Variants in ANPEP observed in about 807,000 individuals in gnomAD.
ANPEP encodes aminopeptidase N.
A neutral mutation model predicts 114.6 loss-of-function variants in ANPEP; 70 were observed. That is an observed-to-expected ratio of 0.61 (90% CI 0.50 to 0.75). ANPEP has a LOEUF of 0.75. Ranked by LOEUF, ANPEP falls within the 30% of genes least tolerant of loss-of-function variation. The pLI, the probability that ANPEP is intolerant of heterozygous loss-of-function variation, is 0.00. For missense variants in ANPEP, 1,184 were observed against 1,259.5 expected (o/e 0.94, Z 0.91); for synonymous variants, 548 against 522.3 (o/e 1.05, Z -0.67).
intron 10 of ANPEP, among the ~76,000 whole-genome samples, chr15:89,802,996 A>T (rs7168849): frequency 3.9e-5 from 6 of 151,964 alleles, no homozygotes; most frequent in Admixed American, 1.3e-4. Flanking sequence ...TCCCATCAAG[A>T]AGCCCGCTGT....
chr15:89,785,178 C>T lies in ANPEP; in HGVS notation c.*171G>A. On this transcript the variant is annotated 3_prime_UTR_variant, in exon 21 of 21. Transcript: ENST00000300060. ...TGGGAGGTGCTCAGGCAGCCTGGGT[C>T]ATCAGGAACTAGACTGGCTCACAGG... The T allele has an allele frequency of 2.3e-6, 2 of 863,240 alleles. No homozygotes were observed. Among genetic ancestry groups the T allele is most frequent in the Non-Finnish European group, 1.8e-6 (1 of 569,750 alleles). The allele number at this position is 863,240 out of a possible 1,614,324, so 53.5% of individuals were successfully genotyped here. A position where few individuals can be genotyped will look rare whatever the true frequency, so the allele number is the denominator to read the frequency against.
In ANPEP at chr15:89,806,734, A is replaced by T. The variant is rs1894724144; in HGVS notation, c.-151T>A. 1.5e-5 allele frequency: 19 copies of T among 1,282,736 alleles called. No individual in the cohort carries two copies. The South Asian group carries it at 2.5e-4, about 17-fold the overall frequency. The allele number at this position is 1,282,736 out of a possible 1,614,324, so 79.5% of individuals were successfully genotyped here. A position where few individuals can be genotyped will look rare whatever the true frequency, so the allele number is the denominator to read the frequency against. ...GGCTCCAACAGGCGAAGGTCACTGG[A>T]CTGGGCAGGGGCACGCTCCGCCTGG... On this transcript the variant is annotated 5_prime_UTR_variant, in exon 2 of 21. Coordinates refer to ENST00000300060, the MANE Select transcript of ANPEP (RefSeq NM_001150.3). The surrounding 1 kb of genome is among the most constrained non-coding windows in gnomAD (Gnocchi z 5.7).
chr15:89,790,408 T>G, intron 20 of ANPEP, 52 bp downstream of exon 20: 2 of 1,552,916 alleles, frequency 1.3e-6, no homozygotes, highest in Non-Finnish European at 1.8e-6. Context: ...GAGTGCCCCT[T>G]TGGCCTGGGA....
intron 6 of ANPEP, 80 bp downstream of exon 6, chr15:89,804,173 C>T (rs1894657676): frequency 6.3e-7 from 1 of 1,592,770 alleles, no homozygotes; most frequent in Non-Finnish European, 8.6e-7. Flanking sequence ...TCTCAGCAGC[C>T]CGGGGCAGAG....
intron 15 of ANPEP, among the ~76,000 whole-genome samples, chr15:89,793,643 C>T (rs1260542087): frequency 1.4e-5 from 2 of 140,118 alleles, no homozygotes; most frequent in Non-Finnish European, 3.0e-5. Flanking sequence ...GCAGAGGTTA[C>T]AGTGAGCTGT....
At chr15:89,793,219 C>G in intron 15 of ANPEP, 93 bp from the exon 16 acceptor site, 5 of 1,085,408 alleles carry the variant, frequency 4.6e-6, no homozygotes, top group Non-Finnish European at 6.9e-6. Context: ...CAGGCGCTGG[C>G]AGAGACGTCA....
At chr15:89,797,447 T>G in intron 15 of ANPEP, 128 bp downstream of exon 15, 1 of 1,360,678 alleles carries the variant, frequency 7.3e-7, no homozygotes, top group South Asian at 1.6e-5. Flanking sequence ...TTTTTTTTGG[T>G]TTTTTGTTTT....
At chr15:89,801,410 T>C (rs764333546) in intron 11 of ANPEP, 25 bp downstream of exon 11, 2 of 1,612,772 alleles carry the variant, frequency 1.2e-6, no homozygotes, top group South Asian at 2.2e-5. Flanking sequence ...CACCTGACCA[T>C]GCCTCAGTGA....
chr15:89,804,235 C>T lies in ANPEP; in HGVS notation c.1179+18G>A, dbSNP rs753397330. ...AGCCCCTGTTTCCTTCTCCGCACTC[C>T]CCGAGATGGGGGTCTACCTGGTGGG... is the stretch of plus-strand genomic sequence containing the variant. On this transcript the variant is annotated intron_variant, in intron 6 of 20. Transcript: ENST00000300060. The T allele has an allele frequency of 7.4e-6, 12 of 1,613,756 alleles. No individual in the cohort carries two copies. In the Admixed American group the frequency reaches 2.0e-4, roughly 27 times the overall value.
At chr15:89,800,818 G>T (rs1014181087) in intron 12 of ANPEP, among the ~76,000 whole-genome samples, 1 of 152,130 alleles carries the variant, frequency 6.6e-6, no homozygotes, top group East Asian at 1.9e-4. Flanking sequence ...CTCCCAAAGT[G>T]CTGGGATTAC....
intron 3 of ANPEP, 48 bp from the exon 4 acceptor site, chr15:89,805,265 C>A: frequency 6.2e-7 from 1 of 1,613,170 alleles, no homozygotes; most frequent in Non-Finnish European, 8.5e-7. Context: ...CTGCCCCACA[C>A]CCCAGCCCAG....
In ANPEP at chr15:89,803,384, A is replaced by G. The variant is rs1194615372; in HGVS notation, c.1503+58T>C. 3 of 1,613,340 alleles carry G rather than the reference A, an allele frequency of 1.9e-6. No homozygotes were observed. Among genetic ancestry groups the G allele is most frequent in the African/African-American group, 1.3e-5 (1 of 75,034 alleles). On this transcript the variant is annotated intron_variant, in intron 9 of 20. Transcript: ENST00000300060. The surrounding 1 kb of genome is among the most constrained non-coding windows in gnomAD (Gnocchi z 4.2). Reference sequence around the variant, plus strand: ...TCTGTGGTGGGCAGAGGCCCGGGTCAAGGGCGAGGGGCAGAAGGAGACCCA... The same window carrying G: ...TCTGTGGTGGGCAGAGGCCCGGGTCGAGGGCGAGGGGCAGAAGGAGACCCA...
intron 1 of ANPEP, among the ~76,000 whole-genome samples, chr15:89,807,608 A>G (rs911343842): frequency 1.4e-4 from 21 of 152,138 alleles, no homozygotes; most frequent in Admixed American, 1.1e-3. Flanking sequence ...AGGCTGAGGC[A>G]GAGAATTGCT....
chr15:89,806,267 G>A lies in ANPEP; in HGVS notation c.317C>T (p.Ser106Phe), dbSNP rs1189537233. 10 of 1,613,976 alleles carry A rather than the reference G, an allele frequency of 6.2e-6. No individual in the cohort carries two copies. Among genetic ancestry groups the A allele is most frequent in the African/African-American group, 5.3e-5 (4 of 74,890 alleles). ...NDRGLYVFKG[S>F]STVRFTCKEA... is the part of the protein sequence containing the mutation. Reference sequence around the variant, plus strand: ...CTTGCAGGTGAAACGGACGGTGCTGGAGCCCTTAAAAACGTACAGGCCCCT... The same window carrying A: ...CTTGCAGGTGAAACGGACGGTGCTGAAGCCCTTAAAAACGTACAGGCCCCT... Residue 106 changes from serine (S) to phenylalanine (F), a missense_variant, in exon 2 of 21, where the codon TCC becomes TTC. Transcript: ENST00000300060. The surrounding 1 kb of genome is among the most constrained non-coding windows in gnomAD (Gnocchi z 5.7).
At position 89,806,960 on chromosome 15, in the gene ANPEP, A is replaced by G. The variant is rs1894729128; in HGVS notation, c.-223-154T>C. The G allele has an allele frequency of 4.6e-6, 1 of 218,620 alleles. No individual in the cohort carries two copies. The highest frequency in any genetic ancestry group is 8.4e-5 in the South Asian group (1 of 11,928). 13.5% of individuals were successfully genotyped at this position (218,620 alleles called of 1,614,324 possible). Reference sequence around the variant, plus strand: ...CTGCTTGAGAGCTGAGAGGGTGGGAACAGCATCAGAACTGAGGTTAGAGTC... The same window carrying G: ...CTGCTTGAGAGCTGAGAGGGTGGGAGCAGCATCAGAACTGAGGTTAGAGTC... On this transcript the variant is annotated intron_variant, in intron 1 of 20. Transcript: ENST00000300060. This position sits in a 1 kb window ranked among gnomAD's most constrained non-coding sequence, Gnocchi z 5.7.
Position 89,803,631 on chromosome 15 carries a change from G to A in ANPEP, c.1437+16C>T, listed in dbSNP as rs768411373. 18 of 1,607,072 alleles carry A rather than the reference G, an allele frequency of 1.1e-5. No individual in the cohort carries two copies. Among genetic ancestry groups the A allele is most frequent in the Admixed American group, 1.7e-5 (1 of 59,820 alleles). On this transcript the variant is annotated intron_variant, in intron 8 of 20. Coordinates refer to ENST00000300060, the MANE Select transcript of ANPEP (RefSeq NM_001150.3). The surrounding 1 kb of genome is among the most constrained non-coding windows in gnomAD (Gnocchi z 4.2). ...CCCCACCTCCTTCCCCGTGCCCCAC[G>A]AGGAGCGGGCTGCACCTTGCTGTAG... is the stretch of plus-strand genomic sequence containing the variant.
At chr15:89,812,496 G>A (rs1894834479) in intron 1 of ANPEP, among the ~76,000 whole-genome samples, 1 of 152,156 alleles carries the variant, frequency 6.6e-6, no homozygotes, top group African/African-American at 2.4e-5. Context: ...ACCTCAGAAG[G>A]CCCCAATGGG....
chr15:89,792,643 GC>G (rs1968654420), intron 16 of ANPEP, 81 bp from the exon 17 acceptor site: 1 of 1,263,728 alleles, frequency 7.9e-7, no homozygotes, highest in Non-Finnish European at 1.1e-6. Flanking sequence ...CCCCAGGCCG[GC>G]ACCCTGCCTA....
intron 20 of ANPEP, 118 bp downstream of exon 20, chr15:89,790,342 G>C (rs768651053): frequency 2.4e-6 from 2 of 817,372 alleles, no homozygotes; most frequent in Non-Finnish European, 4.0e-6. Context: ...CTGTAAATGA[G>C]GAAGGCCTGG....
Sources: gnomAD v4.1 joint callset for allele counts (sites outside exome capture counted in the v4.1 genomes callset) on GRCh38, gnomAD v4.1.1 for gene constraint, Gnocchi (gnomAD v3.1) non-coding constraint, MANE v1.5 for transcripts, NCBI Gene and HGNC (gene_info 2026-07-23, HGNC 2026-07-21) for gene names.